GPATCH2: variants seen among roughly 807,000 people sequenced by gnomAD.
The protein encoded by GPATCH2 is G patch domain-containing protein 2.
Under a neutral mutation model 58.0 loss-of-function variants are expected in GPATCH2, and 51 were observed. The ratio of observed to expected loss-of-function variants is 0.88; its 90% CI spans 0.70 to 1.11. GPATCH2 has a LOEUF of 1.11. Among genes scored for constraint, GPATCH2 ranks in the 50% most tolerant of loss-of-function variants. The pLI is 0.00. For synonymous variants in GPATCH2, 222 were observed against 218.5 expected (o/e 1.02, Z -0.14); for missense variants, 625 against 652.2 (o/e 0.96, Z 0.45).
At chr1:217,623,910 A>G (rs1454574628) in intron 1 of GPATCH2, among the ~76,000 whole-genome samples, 1 of 152,194 alleles carries the variant, frequency 6.6e-6, no homozygotes, top group Non-Finnish European at 1.5e-5. Flanking sequence ...CTCAAAAAAC[A>G]AAAGAAAAAA....
chr1:217,621,861 T>A (rs1669206680), intron 1 of GPATCH2, among the ~76,000 whole-genome samples: 1 of 152,224 alleles, frequency 6.6e-6, no homozygotes. Flanking sequence ...CATTTGCGCA[T>A]TTACTATTTG....
At chr1:217,558,556 C>A (rs1665757397) in intron 5 of GPATCH2, among the ~76,000 whole-genome samples, 2 of 152,178 alleles carry the variant, frequency 1.3e-5, no homozygotes, top group African/African-American at 4.8e-5. Flanking sequence ...AATCCCTATT[C>A]TTTAGCATCG....
chr1:217,508,365 T>A (rs1662663912), intron 6 of GPATCH2, among the ~76,000 whole-genome samples: 1 of 152,170 alleles, frequency 6.6e-6, no homozygotes, highest in South Asian at 2.1e-4. Context: ...GTATTTGCTT[T>A]ATAAAGGAAT....
At chr1:217,569,103 A>C (rs1666411551) in intron 5 of GPATCH2, among the ~76,000 whole-genome samples, 1 of 152,058 alleles carries the variant, frequency 6.6e-6, no homozygotes, top group African/African-American at 2.4e-5. Flanking sequence ...AACTAAAAAG[A>C]CAATAGTGAT....
chr1:217,435,313 TG>T (rs1658771679), intron 9 of GPATCH2, among the ~76,000 whole-genome samples: 1 of 152,232 alleles, frequency 6.6e-6, no homozygotes, highest in Non-Finnish European at 1.5e-5. Context: ...CTATTACAGC[TG>T]AGTCAGTCCT....
At chr1:217,578,086 G>A (rs1220043625) in intron 5 of GPATCH2, among the ~76,000 whole-genome samples, 1 of 134,022 alleles carries the variant, frequency 7.5e-6, no homozygotes, top group Non-Finnish European at 1.6e-5. Flanking sequence ...TCATGGGGGT[G>A]GGGCGGGGGG....
chr1:217,469,980 A>T (rs1030448021), intron 8 of GPATCH2, among the ~76,000 whole-genome samples: 4 of 152,292 alleles, frequency 2.6e-5, no homozygotes, highest in Admixed American at 2.6e-4. Context: ...GCACTTACAC[A>T]TTGGATTAAC....
chr1:217,502,395 C>A (rs140174209), intron 6 of GPATCH2, among the ~76,000 whole-genome samples: 1 of 151,468 alleles, frequency 6.6e-6, no homozygotes, highest in African/African-American at 2.4e-5. Flanking sequence ...TGATTTCTTT[C>A]GCCATTTTAA....
At chr1:217,513,837 T>C (rs2102579999) in intron 6 of GPATCH2, among the ~76,000 whole-genome samples, 1 of 152,112 alleles carries the variant, frequency 6.6e-6, no homozygotes, top group Non-Finnish European at 1.5e-5. Context: ...TTTTTTTTTT[T>C]TTGAGAGATG....
chr1:217,493,511 A>T (rs1661852450), intron 7 of GPATCH2, among the ~76,000 whole-genome samples: 1 of 152,086 alleles, frequency 6.6e-6, no homozygotes, highest in Admixed American at 6.6e-5. Flanking sequence ...TGCTCAGCAA[A>T]TATTTGCTGA....
chr1:217,611,058 C>G lies in GPATCH2; in HGVS notation c.849G>C (p.Gln283His). The change falls in exon 4 of 10, where the codon CAG (glutamine) becomes CAC (histidine). Residue 283 changes from glutamine to histidine, a missense_variant. Gln to His is a conservative substitution (Grantham distance 24). Coordinates refer to ENST00000366935, the MANE Select transcript of GPATCH2 (RefSeq NM_018040.5). ...NDEGRQGDDE[Q>H]SDWFYEKESG... ...ATTCCTTTTCGTAGAACCAGTCACT[C>G]TGTTCATCATCACCTGTGCAAATAC... 6.2e-7 allele frequency: 1 copy of G among 1,612,998 alleles called. No individual in the cohort carries two copies. Among genetic ancestry groups the G allele is most frequent in the Non-Finnish European group, 8.5e-7 (1 of 1,179,444 alleles).
intron 7 of GPATCH2, among the ~76,000 whole-genome samples, chr1:217,494,529 G>A (rs1373331718): frequency 3.9e-5 from 6 of 152,014 alleles, no homozygotes; most frequent in African/African-American, 1.2e-4. Flanking sequence ...ACCTGAAGTC[G>A]GGAGTTCGAA....
At chr1:217,622,460 G>GTGA (rs1431840488) in intron 1 of GPATCH2, among the ~76,000 whole-genome samples, 1 of 152,200 alleles carries the variant, frequency 6.6e-6, no homozygotes, top group East Asian at 1.9e-4. Flanking sequence ...TAAAAATGTG[G>GTGA]TGATTCAAAT....
rs1661744154 is a variant in GPATCH2, at chr1:217,491,701, C to T, written c.1256G>A (p.Cys419Tyr). 1 of 1,519,964 alleles carries T rather than the reference C, an allele frequency of 6.6e-7. No homozygotes were observed. The highest frequency in any genetic ancestry group is 9.1e-7 in the Non-Finnish European group (1 of 1,104,782). The allele number at this position is 1,519,964 out of a possible 1,614,324, so 94.2% of individuals were successfully genotyped here. A position where few individuals can be genotyped will look rare whatever the true frequency, so the allele number is the denominator to read the frequency against. The change falls in exon 8 of 10, where the codon TGT (cysteine) becomes TAT (tyrosine). Residue 419 changes from cysteine (C) to tyrosine (Y), a missense_variant. Coordinates refer to ENST00000366935, the MANE Select transcript of GPATCH2 (RefSeq NM_018040.5). The stretch of plus-strand genomic sequence containing the variant: ...TTACCTGCTGGCTGTTCTCACAGAA[C>T]AATTTTTCTTGTGTCCTCTTTCAGC... ...NRAERGHKKN[C>Y]SVRTASRQTS... is the part of the protein sequence containing the mutation.
intron 5 of GPATCH2, among the ~76,000 whole-genome samples, chr1:217,553,119 C>T (rs898172822): frequency 4.0e-5 from 6 of 151,728 alleles, no homozygotes; most frequent in South Asian, 4.2e-4. Flanking sequence ...AATAGTTATA[C>T]GATCATTTCC....
At chr1:217,541,667 C>T (rs1050085222) in intron 5 of GPATCH2, among the ~76,000 whole-genome samples, 1 of 152,124 alleles carries the variant, frequency 6.6e-6, no homozygotes, top group Non-Finnish European at 1.5e-5. Context: ...TGTTCAGCCA[C>T]ATAAGTATCC....
intron 5 of GPATCH2, among the ~76,000 whole-genome samples, chr1:217,594,287 T>C (rs1667721071): frequency 6.6e-6 from 1 of 152,110 alleles, no homozygotes; most frequent in South Asian, 2.1e-4. Context: ...TACAAAACAT[T>C]TTTATATTTA....
At chr1:217,575,957 C>T (rs1666784372) in intron 5 of GPATCH2, among the ~76,000 whole-genome samples, 2 of 152,074 alleles carry the variant, frequency 1.3e-5, no homozygotes, top group Non-Finnish European at 2.9e-5. Context: ...GTCCAAGACA[C>T]CGTGAGTGCA....
intron 9 of GPATCH2, among the ~76,000 whole-genome samples, chr1:217,440,462 T>A (rs903438859): frequency 1.3e-5 from 2 of 152,190 alleles, no homozygotes; most frequent in African/African-American, 2.4e-5. Flanking sequence ...AAGACAAGGA[T>A]GCCCTCTCTC....
Sources: gnomAD v4.1 joint callset for allele counts (sites outside exome capture counted in the v4.1 genomes callset) on GRCh38, gnomAD v4.1.1 for gene constraint, MANE v1.5 for transcripts, NCBI Gene and HGNC (gene_info 2026-07-23, HGNC 2026-07-21) for gene names.